The following MSH3 variants were observed in gnomAD, a reference collection of about 807,000 sequenced individuals.
MSH3 encodes the protein DNA mismatch repair protein Msh3.
In MSH3, 106 loss-of-function variants were observed where a neutral mutation model predicts 123.3. The ratio of observed to expected loss-of-function variants is 0.86; its 90% confidence interval spans 0.73 to 1.01. The LOEUF (loss-of-function observed/expected upper bound fraction) is 1.01. Among genes scored for constraint, MSH3 ranks in the 50% least tolerant of loss-of-function variants. MSH3 has a pLI of 0.00. For missense variants in MSH3, 1,459 were observed against 1,347.6 expected (o/e 1.08, Z -1.29); for synonymous variants, 515 against 481.4 (o/e 1.07, Z -0.91).
At chr5:80,707,390 A>G (rs1171276963) in intron 8 of MSH3, among the ~76,000 whole-genome samples, 1 of 152,136 alleles carries the variant, frequency 6.6e-6, no homozygotes, top group Non-Finnish European at 1.5e-5. Flanking sequence ...TTAGGAGTGG[A>G]ATTGCTGGAT....
At chr5:80,854,351 T>C in intron 21 of MSH3, 35 bp downstream of exon 21, 2 of 1,560,038 alleles carry the variant, frequency 1.3e-6, no homozygotes, top group Non-Finnish European at 1.8e-6. Context: ...AAAAAGAAAT[T>C]AATTTGTAAA....
At chr5:80,804,742 C>A (rs1210515707) in intron 19 of MSH3, among the ~76,000 whole-genome samples, 1 of 152,216 alleles carries the variant, frequency 6.6e-6, no homozygotes, top group Non-Finnish European at 1.5e-5. Context: ...CAGCAGAATA[C>A]TGGGTCTTAC....
chr5:80,669,068 T>G (rs139350458), intron 3 of MSH3, among the ~76,000 whole-genome samples: 1 of 152,350 alleles, frequency 6.6e-6, no homozygotes, highest in African/African-American at 2.4e-5. Context: ...CCTCACCGTC[T>G]TCTTATTGCT....
At position 80,654,904 on chromosome 5, in the gene MSH3, G is replaced by A. The variant is rs1464896652; in HGVS notation, c.177G>A (p.Ala59=). The A allele has an allele frequency of 6.5e-7, 1 of 1,537,662 alleles. No homozygotes were observed. The highest frequency in any genetic ancestry group is 1.2e-5 in the South Asian group (1 of 85,246). Residue 59 remains alanine, a synonymous_variant, in exon 1 of 24, where the codon GCG becomes GCA. Coordinates refer to ENST00000265081, the MANE Select transcript of MSH3 (RefSeq NM_002439.5). ...PGAAAAAAAA[A]AAAPPAPPAP... The stretch of plus-strand genomic sequence containing the variant: ...CTGCAGCGGCTGCAGCGGCCGCAGC[G>A]GCCGCAGCGCCCCCAGCGCCCCCAG...
intron 19 of MSH3, among the ~76,000 whole-genome samples, chr5:80,799,118 G>A (rs1180330026): frequency 6.6e-6 from 1 of 152,158 alleles, no homozygotes. Flanking sequence ...TCTGTAAAAG[G>A]AGGTGGTTAA....
At chr5:80,684,948 A>G (rs934180403) in intron 8 of MSH3, among the ~76,000 whole-genome samples, 2 of 152,130 alleles carry the variant, frequency 1.3e-5, no homozygotes, top group East Asian at 3.9e-4. Context: ...CATTCTGTTA[A>G]TATGATGTAT....
At position 80,792,817 on chromosome 5, in the gene MSH3, A is replaced by T. The variant is rs762283041; in HGVS notation, c.2628A>T (p.Gln876His). 6.2e-7 allele frequency: 1 copy of T among 1,611,668 alleles called. No individual in the cohort carries two copies. Among genetic ancestry groups the T allele is most frequent in the Non-Finnish European group, 8.5e-7 (1 of 1,178,048 alleles). ...VIDVLLGEQD[Q>H]YVPNNTDLSE... Reference sequence around the variant, plus strand: ...ATGTGTTGCTGGGAGAACAGGATCAATATGTCCCAAATAATACAGATTTAT... The same window carrying T: ...ATGTGTTGCTGGGAGAACAGGATCATTATGTCCCAAATAATACAGATTTAT... Residue 876 changes from glutamine to histidine, a missense_variant, in exon 19 of 24, where the codon CAA becomes CAT. Gln to His is a conservative substitution (Grantham distance 24). Coordinates refer to ENST00000265081, the MANE Select transcript of MSH3 (RefSeq NM_002439.5).
Position 80,768,005 on chromosome 5 carries a change from C to T in MSH3, c.1969C>T (p.Pro657Ser), listed in dbSNP as rs766652796. The change falls in exon 14 of 24, where the codon CCT becomes TCT. Residue 657 changes from proline to serine, a missense_variant. By Grantham distance (74) the Pro-to-Ser change is moderately conservative. Coordinates refer to ENST00000265081, the MANE Select transcript of MSH3 (RefSeq NM_002439.5). ...AAAGTCAGAATTTCAAGCAATAATA[C>T]CTGCTGTTAATTCCCACATTCAGTC... ...HLKSEFQAII[P>S]AVNSHIQSDL... 1.1e-5 allele frequency: 17 copies of T among 1,613,200 alleles called. No individual in the cohort carries two copies. The East Asian group carries it at 3.6e-4, about 34-fold the overall frequency.
chr5:80,796,453 T>C (rs573010125), intron 19 of MSH3, among the ~76,000 whole-genome samples: 148 of 152,224 alleles, frequency 9.7e-4, no homozygotes, highest in Admixed American at 2.5e-3. Context: ...GATATAGAAC[T>C]GTTGCTATGG....
At chr5:80,736,061 C>G (rs900852732) in intron 10 of MSH3, among the ~76,000 whole-genome samples, 4 of 151,884 alleles carry the variant, frequency 2.6e-5, no homozygotes, top group Admixed American at 6.6e-5. Context: ...TTCCATCTTT[C>G]CAAAAATACA....
chr5:80,655,406 A>G (rs552263493), intron 1 of MSH3: 2 of 227,928 alleles, frequency 8.8e-6, no homozygotes, highest in East Asian at 6.3e-5. Context: ...GCATGGCTCA[A>G]TATTTGAAAT....
At chr5:80,771,938 G>A (rs989382677) in intron 15 of MSH3, among the ~76,000 whole-genome samples, 6 of 152,104 alleles carry the variant, frequency 3.9e-5, no homozygotes, top group African/African-American at 1.4e-4. Flanking sequence ...ATGTAATAAT[G>A]TACATACATT....
chr5:80,655,004 G>T, intron 1 of MSH3, 40 bp downstream of exon 1: 1 of 1,249,090 alleles, frequency 8.0e-7, no homozygotes, highest in African/African-American at 1.6e-5. Flanking sequence ...ATCGGGGCTG[G>T]GGGGGCGGGG....
intron 7 of MSH3, 107 bp from the exon 8 acceptor site, chr5:80,678,820 A>C: frequency 8.1e-7 from 1 of 1,235,370 alleles, no homozygotes; most frequent in Non-Finnish European, 1.2e-6. Flanking sequence ...GAGTACATAC[A>C]TACTCCTGAG....
At chr5:80,746,297 T>C (rs906793069) in intron 12 of MSH3, 14 of 315,778 alleles carry the variant, frequency 4.4e-5, no homozygotes, top group African/African-American at 2.7e-4. Context: ...GCAGCTAGTA[T>C]TTGGAACAAT....
rs2112118518 is a variant in MSH3 at position 80,864,905 on chromosome 5, A to T, written c.3093A>T (p.Gly1031=). 1 of 1,613,904 alleles carries T rather than the reference A, an allele frequency of 6.2e-7. No homozygotes were observed. Among genetic ancestry groups the T allele is most frequent in the Non-Finnish European group, 8.5e-7 (1 of 1,179,796 alleles). ...YSHQVGNYHM[G]FLVSEDESKL... ...ACCAGGTGGGGAATTACCACATGGG[A>T]TTCTTGGTCAGTGAGGATGAAAGCA... Residue 1031 remains glycine (G), a synonymous_variant, in exon 22 of 24, where the codon GGA becomes GGT. Coordinates refer to ENST00000265081, the MANE Select transcript of MSH3 (RefSeq NM_002439.5).
chr5:80,727,838 T>C (rs1303601177), intron 9 of MSH3, among the ~76,000 whole-genome samples: 2 of 151,944 alleles, frequency 1.3e-5, no homozygotes, highest in African/African-American at 4.8e-5. Flanking sequence ...GGTTGAACTT[T>C]TAAATAGGAT....
chr5:80,695,950 G>T (rs1750468254), intron 8 of MSH3, among the ~76,000 whole-genome samples: 1 of 152,148 alleles, frequency 6.6e-6, no homozygotes, highest in Admixed American at 6.5e-5. Context: ...GTTCTAGCTG[G>T]CTTTCCCTGA....
chr5:80,721,809 ATG>A (rs1192799017), intron 8 of MSH3, among the ~76,000 whole-genome samples: 6 of 152,216 alleles, frequency 3.9e-5, no homozygotes, highest in Non-Finnish European at 8.8e-5. Flanking sequence ...AAAATTACAA[ATG>A]TGTGTTACAT....
Sources: allele counts gnomAD v4.1 joint callset (sites outside exome capture counted in the v4.1 genomes callset), GRCh38; gene constraint gnomAD v4.1.1; transcripts MANE v1.5; gene names NCBI Gene and HGNC (gene_info 2026-07-23, HGNC 2026-07-21).